DYM: variants seen among roughly 807,000 people sequenced by gnomAD.
DYM encodes dyggve-Melchior-Clausen syndrome protein.
A neutral mutation model predicts 93.1 loss-of-function variants in DYM; 78 were observed. That is an observed-to-expected ratio of 0.84 (90% CI 0.70 to 1.01). The LOEUF is 1.01. Among genes scored for constraint, DYM ranks in the 50% least tolerant of loss-of-function variants. The probability of loss-of-function intolerance (pLI) is 0.00; values close to 1 mark genes in which losing one functional copy is unlikely to be tolerated. For missense variants in DYM, 789 were observed against 845.0 expected (o/e 0.93, Z 0.82); for synonymous variants, 321 against 319.7 (o/e 1.00, Z -0.04).
At chr18:49,116,978 C>G (rs149676437) in intron 16 of DYM, among the ~76,000 whole-genome samples, 1 of 152,262 alleles carries the variant, frequency 6.6e-6, no homozygotes, top group African/African-American at 2.4e-5. Flanking sequence ...ATGAAATAAT[C>G]GAGAAGTTGC....
intron 17 of DYM, among the ~76,000 whole-genome samples, chr18:49,051,434 C>T (rs2072426449): frequency 6.6e-6 from 1 of 152,108 alleles, no homozygotes; most frequent in South Asian, 2.1e-4. Context: ...GAGCTCCTTC[C>T]AATTCTGACT....
At chr18:49,268,316 A>G (rs1380545243) in intron 11 of DYM, among the ~76,000 whole-genome samples, 1 of 152,232 alleles carries the variant, frequency 6.6e-6, no homozygotes, top group Non-Finnish European at 1.5e-5. Context: ...ATCAACAAGA[A>G]AGTCAGATTC....
At chr18:49,252,030 A>G (rs2144989450) in intron 13 of DYM, among the ~76,000 whole-genome samples, 1 of 151,798 alleles carries the variant, frequency 6.6e-6, no homozygotes, top group Non-Finnish European at 1.5e-5. Flanking sequence ...CTTTGCCAAC[A>G]TGTTGAAACC....
At chr18:49,221,072 A>C (rs1218425598) in intron 13 of DYM, among the ~76,000 whole-genome samples, 1 of 152,212 alleles carries the variant, frequency 6.6e-6, no homozygotes, top group Non-Finnish European at 1.5e-5. Context: ...AAAAACAAAC[A>C]ACCCCATCAA....
At chr18:49,382,917 G>C (rs1345536391) in intron 3 of DYM, among the ~76,000 whole-genome samples, 1 of 152,108 alleles carries the variant, frequency 6.6e-6, no homozygotes, top group Non-Finnish European at 1.5e-5. Flanking sequence ...GATTAAATTT[G>C]CTTCTAGACC....
chr18:49,209,383 T>C (rs1056071096), intron 14 of DYM, among the ~76,000 whole-genome samples, 168 bp downstream of exon 14: 5 of 152,210 alleles, frequency 3.3e-5, no homozygotes, highest in Admixed American at 2.6e-4. Flanking sequence ...AAGAAGACAT[T>C]TGTAAGGAAA....
chr18:49,058,737 A>G (rs745583461), intron 17 of DYM, among the ~76,000 whole-genome samples: 3 of 152,256 alleles, frequency 2.0e-5, no homozygotes, highest in Admixed American at 6.5e-5. Flanking sequence ...TACCTTGGAA[A>G]CACCCATAAA....
intron 15 of DYM, among the ~76,000 whole-genome samples, chr18:49,132,599 T>C (rs902689584): frequency 6.6e-6 from 1 of 152,154 alleles, no homozygotes; most frequent in Admixed American, 6.5e-5. Flanking sequence ...TCTCATTTTG[T>C]TCTTCCTTAA....
chr18:49,058,603 C>T (rs2075699440), intron 17 of DYM, among the ~76,000 whole-genome samples: 1 of 152,106 alleles, frequency 6.6e-6, no homozygotes, highest in Admixed American at 6.5e-5. Flanking sequence ...GTGAGCCACA[C>T]TGCCTGACAC....
chr18:49,257,677 G>T (rs1568117253), intron 12 of DYM, among the ~76,000 whole-genome samples: 1 of 102,712 alleles, frequency 9.7e-6, no homozygotes, highest in African/African-American at 3.1e-5. Flanking sequence ...CGAGACTTTG[G>T]CTATTTAAAA....
At chr18:49,193,457 C>T (rs1025340587) in intron 14 of DYM, among the ~76,000 whole-genome samples, 1 of 152,130 alleles carries the variant, frequency 6.6e-6, no homozygotes, top group Admixed American at 6.5e-5. Context: ...TCCTGGAACA[C>T]GTGTGATGCC....
Position 49,212,832 on chromosome 18 carries a change from G to A in DYM, c.1461-3117C>T, listed in dbSNP as rs769991269. On this transcript the variant is annotated intron_variant, in intron 13 of 17. Coordinates refer to ENST00000675505, the MANE Select transcript of DYM (RefSeq NM_001353214.3). ...TTAATCTGAAAAAAAAAATAGAACT[G>A]ATCTTTTTGATAAACTGAATAATAT... Among the ~76,000 whole-genome samples the A allele has an allele frequency of 1.2e-3, 188 of 151,982 alleles. 1 individual carries two copies. Among genetic ancestry groups the A allele is most frequent in the Non-Finnish European group, 2.1e-3 (144 of 67,976 alleles).
At chr18:49,437,032 CAA>C (rs1161997978) in intron 1 of DYM, among the ~76,000 whole-genome samples, 1 of 152,182 alleles carries the variant, frequency 6.6e-6, no homozygotes, top group South Asian at 2.1e-4. Flanking sequence ...ACAATACTAT[CAA>C]AGAGTCTACT....
At chr18:49,226,066 T>C (rs75039066) in intron 13 of DYM, among the ~76,000 whole-genome samples, 7 of 152,080 alleles carry the variant, frequency 4.6e-5, no homozygotes, top group East Asian at 1.9e-4. Flanking sequence ...CTCTTCCACA[T>C]AGAAAACAAA....
In DYM at chr18:49,176,398, T is replaced by A. The variant is rs560473703; in HGVS notation, c.1626-12611A>T. Among the ~76,000 whole-genome samples, 67 of 152,122 alleles carry A rather than the reference T, an allele frequency of 4.4e-4. 1 individual carries two copies. The East Asian group carries it at 0.012, about 28-fold the overall frequency. On this transcript the variant is annotated intron_variant, in intron 14 of 17. Coordinates refer to ENST00000675505, the MANE Select transcript of DYM (RefSeq NM_001353214.3). ...GCAAATTTCATTTGTGTTTTTAACA[T>A]AAGCACATTTTTTTTCAATTTTTTT...
chr18:49,329,464 AG>A (rs1444809221), intron 8 of DYM: 1 of 152,262 alleles, frequency 6.6e-6, no homozygotes, highest in African/African-American at 2.4e-5. Context: ...GGAGAGTATC[AG>A]GGTGCAACAA....
At chr18:49,242,853 C>A (rs1471864217) in intron 13 of DYM, among the ~76,000 whole-genome samples, 1 of 152,172 alleles carries the variant, frequency 6.6e-6, no homozygotes, top group African/African-American at 2.4e-5. Flanking sequence ...GCGCCCGCCA[C>A]CACGCCCGGC....
At chr18:49,283,902 C>T (rs532968391) in intron 9 of DYM, among the ~76,000 whole-genome samples, 1 of 152,290 alleles carries the variant, frequency 6.6e-6, no homozygotes, top group South Asian at 2.1e-4. Flanking sequence ...CTTTTCCTTC[C>T]ACATTTGAAA....
rs752441707 is a variant in DYM at position 49,331,973 on chromosome 18, T to A, written c.654A>T (p.Leu218Phe). The change falls in exon 8 of 18, where the codon TTA (leucine) becomes TTT (phenylalanine). Residue 218 changes from leucine to phenylalanine, a missense_variant. This residue lies in a region of DYM where 450 missense variants were observed against 436.2 expected (regional missense o/e 1.03). Coordinates refer to ENST00000675505, the MANE Select transcript of DYM (RefSeq NM_001353214.3). Reference sequence around the variant, plus strand: ...TTTCTTGTCTGATAAAGTTATATAATAAGGTCTTCACAAGTTTGCTGGTGT... The same window carrying A: ...TTTCTTGTCTGATAAAGTTATATAAAAAGGTCTTCACAAGTTTGCTGGTGT... The part of the protein sequence containing the change: ...LPYTSKLVKT[L>F]LYNFIRQEKP... 7 of 1,613,950 alleles carry A rather than the reference T, an allele frequency of 4.3e-6. No homozygotes were observed. Among genetic ancestry groups the A allele is most frequent in the Non-Finnish European group, 5.9e-6 (7 of 1,179,956 alleles).
Sources: allele counts gnomAD v4.1 joint callset (sites outside exome capture counted in the v4.1 genomes callset), GRCh38; gene constraint gnomAD v4.1.1; regional missense constraint gnomAD v4.1.1; transcripts MANE v1.5; gene names NCBI Gene and HGNC (gene_info 2026-07-23, HGNC 2026-07-21).